ZFP28: variants seen among roughly 807,000 people sequenced by gnomAD.
ZFP28 encodes ZFP28 zinc finger protein, also known as zinc finger protein 28 homolog.
Under a neutral mutation model 39.5 loss-of-function variants are expected in ZFP28, and 31 were observed. The observed-to-expected ratio is 0.79, with a 90% CI of 0.59 to 1.06. The LOEUF (loss-of-function observed/expected upper bound fraction) is 1.06, where lower values mean the gene tolerates loss of function less well. ZFP28 is among the 50% of genes least tolerant of loss of function. ZFP28 has a pLI of 0.00. For missense variants in ZFP28, 925 were observed against 1,048.4 expected (o/e 0.88, Z 1.63); for synonymous variants, 400 against 378.6 (o/e 1.06, Z -0.66).
chr19:56,555,292 C>T lies in ZFP28; in HGVS notation c.2507C>T (p.Thr836Ile), dbSNP rs750350671. The change falls in exon 8 of 8, where the codon ACT becomes ATT. Residue 836 changes from threonine (T) to isoleucine (I), a missense_variant. By Grantham distance (89) the Thr-to-Ile change is moderately conservative. Around this residue, in one of 2 missense-constraint regions of ZFP28, gnomAD observed 369 missense variants for 505.5 expected, o/e 0.73. Transcript: ENST00000301318. ...TTAGCTCATCATCAGCGAATTCATA[C>T]TGGAGAGTCGTCAACATGCCCCTCT... ...AHLAHHQRIH[T>I]GESSTCPSLP... 6.2e-7 allele frequency: 1 copy of T among 1,614,148 alleles called. No individual in the cohort carries two copies. The highest frequency in any genetic ancestry group is 2.2e-5 in the East Asian group (1 of 44,866).
At position 56,547,580 on chromosome 19, in the gene ZFP28, A is replaced by C; in HGVS notation, c.373A>C (p.Arg125=). 6.2e-7 allele frequency: 1 copy of C among 1,613,922 alleles called. No individual in the cohort carries two copies. Among genetic ancestry groups the C allele is most frequent in the Non-Finnish European group, 8.5e-7 (1 of 1,179,896 alleles). The part of the protein sequence containing the change: ...EEWEWLNPIQ[R]NLYRKVMLEN... ...GTGGGAGTGGCTGAACCCCATTCAG[A>C]GGAACTTGTACAGGAAGGTGATGTT... The change falls in exon 3 of 8, where the codon AGG becomes CGG. Residue 125 remains arginine (R), a synonymous_variant. Coordinates refer to ENST00000301318, the MANE Select transcript of ZFP28 (RefSeq NM_020828.2). This position sits in a 1 kb window ranked among gnomAD's most constrained non-coding sequence, Gnocchi z 4.6.
chr19:56,539,616 C>G lies in ZFP28; in HGVS notation c.209-9C>G, dbSNP rs748473790. 4 of 1,613,094 alleles carry G rather than the reference C, an allele frequency of 2.5e-6. No individual in the cohort carries two copies. Among genetic ancestry groups the G allele is most frequent in the African/African-American group, 1.3e-5 (1 of 74,842 alleles). Reference sequence around the variant, plus strand: ...AGACCTGGTCTCTAGCTACTCCTTTCTCTTTCAGCTCTGCCTTCCAGGGAC... The same window carrying G: ...AGACCTGGTCTCTAGCTACTCCTTTGTCTTTCAGCTCTGCCTTCCAGGGAC... On this transcript the variant is annotated splice_polypyrimidine_tract_variant and intron_variant, in intron 1 of 7. Transcript: ENST00000301318.
intron 7 of ZFP28, chr19:56,552,559 GAT>G (rs2147963408): frequency 6.6e-6 from 1 of 152,182 alleles, no homozygotes; most frequent in African/African-American, 2.4e-5. Context: ...ATGCAACATT[GAT>G]ATGAATGCTA....
chr19:56,554,620 C>T lies in ZFP28; in HGVS notation c.1835C>T (p.Thr612Ile). ...CTTGCCAGTCATTTAAGGATTCATA[C>T]TGGGGAGAAGCCTTTTGAATGTGCG... ...IHLASHLRIHTGEKPFECAEC... is the reference protein window; with the variant it reads ...IHLASHLRIHIGEKPFECAEC... Residue 612 changes from threonine to isoleucine, a missense_variant, in exon 8 of 8, where the codon ACT becomes ATT. Physicochemically the swap from Thr to Ile is moderately conservative, Grantham distance 89 (BLOSUM62 -1). This residue lies in a region of ZFP28 where 369 missense variants were observed against 505.5 expected (regional missense o/e 0.73). Transcript: ENST00000301318. The surrounding 1 kb of genome is among the most constrained non-coding windows in gnomAD (Gnocchi z 6.7). 1 of 1,613,736 alleles carries T rather than the reference C, an allele frequency of 6.2e-7. No individual in the cohort carries two copies. Among genetic ancestry groups the T allele is most frequent in the Non-Finnish European group, 8.5e-7 (1 of 1,179,666 alleles).
At chr19:56,540,604 T>C (rs2044187475) in intron 2 of ZFP28, among the ~76,000 whole-genome samples, 1 of 152,224 alleles carries the variant, frequency 6.6e-6, no homozygotes, top group Admixed American at 6.5e-5. Context: ...TTGACTATCA[T>C]TGGTATTTGA....
At chr19:56,546,294 CT>C (rs1191549657) in intron 2 of ZFP28, 1 of 152,178 alleles carries the variant, frequency 6.6e-6, no homozygotes, top group Non-Finnish European at 1.5e-5. Context: ...TTAAATCTGC[CT>C]TCTGTTAGCC....
Position 56,555,356 on chromosome 19 carries a change from A to G in ZFP28, c.2571A>G (p.Lys857=). The G allele has an allele frequency of 1.2e-6, 2 of 1,612,808 alleles. No individual in the cohort carries two copies. The highest frequency in any genetic ancestry group is 1.1e-5 in the South Asian group (1 of 90,878). The part of the protein sequence containing the change: ...STSNPVDLFP[K]FLWNPSSLPS... ...CAAATCCTGTGGATCTGTTTCCCAA[A>G]TTTCTCTGGAATCCATCCTCCCTCC... is the stretch of plus-strand genomic sequence containing the variant. Residue 857 remains lysine (K), a synonymous_variant, in exon 8 of 8, where the codon AAA becomes AAG. Transcript: ENST00000301318.
chr19:56,547,983 A>C lies in ZFP28; in HGVS notation c.523+81A>C. The stretch of plus-strand genomic sequence containing the variant: ...CTCAGACACGCAACATCTTCAGCAG[A>C]CTCTTCCTAAGCCTCTTGCTTAGGA... On this transcript the variant is annotated intron_variant, in intron 4 of 7. Transcript: ENST00000301318. The surrounding 1 kb of genome is among the most constrained non-coding windows in gnomAD (Gnocchi z 4.6). 7.4e-7 allele frequency: 1 copy of C among 1,345,032 alleles called. No individual in the cohort carries two copies. Among genetic ancestry groups the C allele is most frequent in the Non-Finnish European group, 1.0e-6 (1 of 954,918 alleles). 83.3% of individuals were successfully genotyped at this position (1,345,032 alleles called of 1,614,324 possible). A position where few individuals can be genotyped will look rare whatever the true frequency, so the allele number is the denominator to read the frequency against.
intron 2 of ZFP28, among the ~76,000 whole-genome samples, chr19:56,541,428 C>T (rs891557860): frequency 6.6e-6 from 1 of 152,154 alleles, no homozygotes; most frequent in Admixed American, 6.6e-5. Context: ...GCTTCTGTGA[C>T]CTCCTGCTTC....
At chr19:56,542,752 C>T (rs1260220156) in intron 2 of ZFP28, among the ~76,000 whole-genome samples, 1 of 145,758 alleles carries the variant, frequency 6.9e-6, no homozygotes, top group Non-Finnish European at 1.5e-5. Context: ...GTGCTTCGTC[C>T]CTGATTTTTT....
Position 56,547,563 on chromosome 19 carries a change from G to A in ZFP28, c.356G>A (p.Trp119Ter). The change falls in exon 3 of 8, where the codon TGG (tryptophan) becomes TAG (stop). Residue 119 changes from tryptophan to a stop codon, truncating the protein, a stop_gained. Coordinates refer to ENST00000301318, the MANE Select transcript of ZFP28 (RefSeq NM_020828.2). LOFTEE classifies it high-confidence loss of function. This position sits in a 1 kb window ranked among gnomAD's most constrained non-coding sequence, Gnocchi z 4.6. ...AVDFSQEEWE[W>*]LNPIQRNLYR... ...GATTTCTCCCAAGAGGAGTGGGAGT[G>A]GCTGAACCCCATTCAGAGGAACTTG... 1.2e-6 allele frequency: 2 copies of A among 1,614,044 alleles called. No homozygotes were observed. Among genetic ancestry groups the A allele is most frequent in the Non-Finnish European group, 1.7e-6 (2 of 1,179,984 alleles).
chr19:56,554,943 C>T lies in ZFP28; in HGVS notation c.2158C>T (p.Gln720Ter). The change falls in exon 8 of 8, where the codon CAA (glutamine) becomes TAA (stop). Residue 720 changes from glutamine to a stop codon, truncating the protein, a stop_gained. Transcript: ENST00000301318. LOFTEE classifies it low-confidence loss of function (END_TRUNC). This position sits in a 1 kb window ranked among gnomAD's most constrained non-coding sequence, Gnocchi z 6.7. ...FGDNSSCTQHQRLHTGQRPYE... is the reference protein window; with the variant it reads ...FGDNSSCTQH ...TGATAACTCATCCTGTACTCAACAT[C>T]AAAGACTGCACACTGGCCAAAGACC... The T allele has an allele frequency of 6.2e-7, 1 of 1,614,142 alleles. No homozygotes were observed. The highest frequency in any genetic ancestry group is 8.5e-7 in the Non-Finnish European group (1 of 1,180,026).
rs2044337910 is a variant in ZFP28 at position 56,554,994 on chromosome 19, G to C, written c.2209G>C (p.Ala737Pro). ...RPYECIECGKAFKTKSSLICH... is the reference protein window; with the variant it reads ...RPYECIECGKPFKTKSSLICH... The stretch of plus-strand genomic sequence containing the variant: ...TTATGAATGTATTGAGTGTGGAAAG[G>C]CATTCAAGACAAAATCCTCCCTTAT... Residue 737 changes from alanine to proline, a missense_variant, in exon 8 of 8, where the codon GCA (alanine) becomes CCA (proline). Ala to Pro is a conservative substitution (Grantham distance 27). Transcript: ENST00000301318. The surrounding 1 kb of genome is among the most constrained non-coding windows in gnomAD (Gnocchi z 6.7). 1.2e-6 allele frequency: 2 copies of C among 1,614,062 alleles called. No individual in the cohort carries two copies. Among genetic ancestry groups the C allele is most frequent in the Non-Finnish European group, 1.7e-6 (2 of 1,180,024 alleles).
rs900864166 is a variant in ZFP28 at position 56,550,288 on chromosome 19, C to A, written c.802+107C>A. 41 of 1,179,340 alleles carry A rather than the reference C, an allele frequency of 3.5e-5. No homozygotes were observed. In the African/African-American group the frequency reaches 6.3e-4, roughly 18 times the overall value. The allele number at this position is 1,179,340 out of a possible 1,614,324, so 73.1% of individuals were successfully genotyped here. A position where few individuals can be genotyped will look rare whatever the true frequency, so the allele number is the denominator to read the frequency against. ...GAGGGGGTGTCTTCTGACATGCTGG[C>A]CTGAATTTTGTGGATTCCTAAGATA... On this transcript the variant is annotated intron_variant, in intron 6 of 7. Transcript: ENST00000301318.
At position 56,554,950 on chromosome 19, in the gene ZFP28, T is replaced by A; in HGVS notation, c.2165T>A (p.Leu722Gln). 2 of 1,614,152 alleles carry A rather than the reference T, an allele frequency of 1.2e-6. No homozygotes were observed. Among genetic ancestry groups the A allele is most frequent in the Non-Finnish European group, 1.7e-6 (2 of 1,180,032 alleles). ...TCATCCTGTACTCAACATCAAAGAC[T>A]GCACACTGGCCAAAGACCTTATGAA... is the stretch of plus-strand genomic sequence containing the variant. ...DNSSCTQHQR[L>Q]HTGQRPYECI... is the part of the protein sequence containing the mutation. Residue 722 changes from leucine (L) to glutamine (Q), a missense_variant, in exon 8 of 8, where the codon CTG becomes CAG. Around this residue, in one of 2 missense-constraint regions of ZFP28, gnomAD observed 369 missense variants for 505.5 expected, o/e 0.73. Transcript: ENST00000301318. This position sits in a 1 kb window ranked among gnomAD's most constrained non-coding sequence, Gnocchi z 6.7.
chr19:56,538,928 G>T (rs2044164351), upstream of ZFP28: 1 of 1,138,804 alleles, frequency 8.8e-7, no homozygotes, highest in Admixed American at 4.4e-5. Flanking sequence ...AGCGCGCGCG[G>T]GGCTGTTCGC....
intron 1 of ZFP28, 88 bp downstream of exon 1, chr19:56,539,314 C>A: frequency 1.5e-6 from 2 of 1,345,792 alleles, no homozygotes; most frequent in South Asian, 1.4e-5. Context: ...TCTCGGGGAC[C>A]AGTTGCTGGA....
chr19:56,547,779 A>G lies in ZFP28; in HGVS notation c.428-28A>G. The G allele has an allele frequency of 6.2e-7, 1 of 1,613,574 alleles. No individual in the cohort carries two copies. Among genetic ancestry groups the G allele is most frequent in the Non-Finnish European group, 8.5e-7 (1 of 1,179,562 alleles). Reference sequence around the variant, plus strand: ...ATCTCAGTCTGGACAGCCACACAGTATGACCAGGTTGTTTTTTATGTGTCT... The same window carrying G: ...ATCTCAGTCTGGACAGCCACACAGTGTGACCAGGTTGTTTTTTATGTGTCT... On this transcript the variant is annotated intron_variant, in intron 3 of 7. Transcript: ENST00000301318. This position sits in a 1 kb window ranked among gnomAD's most constrained non-coding sequence, Gnocchi z 4.6.
chr19:56,541,225 T>C (rs1199152448), intron 2 of ZFP28, among the ~76,000 whole-genome samples: 1 of 152,244 alleles, frequency 6.6e-6, no homozygotes, highest in Non-Finnish European at 1.5e-5. Context: ...AGTGGCCGTT[T>C]CATCCTCTCA....
Sources: gnomAD v4.1 joint callset for allele counts (sites outside exome capture counted in the v4.1 genomes callset) on GRCh38, gnomAD v4.1.1 for gene constraint, gnomAD v4.1.1 regional missense constraint, Gnocchi (gnomAD v3.1) non-coding constraint, MANE v1.5 for transcripts, NCBI Gene and HGNC (gene_info 2026-07-23, HGNC 2026-07-21) for gene names.